Variants in ZMIZ1 observed in about 807,000 individuals in gnomAD.
ZMIZ1 encodes zinc finger MIZ domain-containing protein 1.
Under a neutral mutation model 113.9 loss-of-function variants are expected in ZMIZ1, and 17 were observed. The ratio of observed to expected loss-of-function variants is 0.15; its 90% CI spans 0.10 to 0.22. ZMIZ1 has a LOEUF of 0.22. Among genes scored for constraint, ZMIZ1 ranks in the 10% least tolerant of loss-of-function variants. The pLI, the probability that ZMIZ1 is intolerant of heterozygous loss-of-function variation, is 1.00. For synonymous variants in ZMIZ1, 607 were observed against 603.1 expected, an observed-to-expected ratio of 1.01 and a Z score of -0.09; for missense variants, 1,059 against 1,477.8, an observed-to-expected ratio of 0.72 and a Z score of 4.65.
intron 2 of ZMIZ1, among the ~76,000 whole-genome samples, chr10:79,130,451 C>G (rs1329496815): frequency 1.3e-5 from 2 of 152,218 alleles, no homozygotes; most frequent in Non-Finnish European, 2.9e-5. Context: ...AGAGCTGCAG[C>G]CAGGTGCCAA....
chr10:79,244,439 C>T (rs866680416), intron 7 of ZMIZ1, among the ~76,000 whole-genome samples: 8 of 152,298 alleles, frequency 5.3e-5, no homozygotes, highest in Middle Eastern at 3.4e-3. Flanking sequence ...GTATTGGTGT[C>T]TTCGAAGCCA....
At chr10:79,291,282 A>C in intron 10 of ZMIZ1, 106 bp downstream of exon 10, 23 of 1,331,188 alleles carry the variant, frequency 1.7e-5, no homozygotes, top group Non-Finnish European at 2.2e-5. Context: ...CTGCCCTGAG[A>C]AGTTATCCTC....
In ZMIZ1 at chr10:79,306,456, A is replaced by G; in HGVS notation, c.2668+112A>G. Reference sequence around the variant, plus strand: ...AGGGGTCGGGGGTGTGGTTGAAGAGAGAGAAGTAACACATCCCCCAAAAAA... The same window carrying G: ...AGGGGTCGGGGGTGTGGTTGAAGAGGGAGAAGTAACACATCCCCCAAAAAA... On this transcript the variant is annotated intron_variant, in intron 22 of 24. Coordinates refer to ENST00000334512, the MANE Select transcript of ZMIZ1 (RefSeq NM_020338.4). 2.0e-6 allele frequency: 3 copies of G among 1,499,964 alleles called. No individual in the cohort carries two copies. In the South Asian group the frequency reaches 3.8e-5, roughly 19 times the overall value. 92.9% of individuals were successfully genotyped at this position (1,499,964 alleles called of 1,614,324 possible). A position where few individuals can be genotyped will look rare whatever the true frequency, so the allele number is the denominator to read the frequency against.
At position 79,114,506 on chromosome 10, in the gene ZMIZ1, C is replaced by CGTGTGTGT. The variant is rs57304757; in HGVS notation, c.-336-4381_-336-4374dup. The stretch of plus-strand genomic sequence containing the variant: ...GTGTGTGTGTGTGCGTGTGTGTGTG[C>CGTGTGTGT]GTGTGTGTGTGTGTGTGTGTGTGTG... On this transcript the variant is annotated intron_variant, in intron 1 of 24. Transcript: ENST00000334512. Among the ~76,000 whole-genome samples, 639 of 93,224 alleles carry CGTGTGTGT rather than the reference C, an allele frequency of 6.9e-3. 5 individuals carry two copies. Among genetic ancestry groups the CGTGTGTGT allele is most frequent in the African/African-American group, 0.011 (230 of 21,506 alleles). The allele number at this position is 93,224 out of a possible 152,430, so 61.2% of individuals were successfully genotyped here.
Position 79,299,173 on chromosome 10 carries a change from A to C in ZMIZ1, c.1790A>C (p.His597Pro). ...NHVFHLRPTVHQTLMWRSDLE... is the reference protein window; with the variant it reads ...NHVFHLRPTVPQTLMWRSDLE... ...GTGTTCCACCTGCGGCCCACGGTCC[A>C]CCAGACGCTGATGTGGAGGTGCGTG... is the stretch of plus-strand genomic sequence containing the variant. The change falls in exon 16 of 25, where the codon CAC becomes CCC. Residue 597 changes from histidine to proline, a missense_variant. Physicochemically the swap from His to Pro is moderately conservative, Grantham distance 77. Around this residue, in one of 6 missense-constraint regions of ZMIZ1, gnomAD observed 217 missense variants for 426.9 expected, o/e 0.51. Coordinates refer to ENST00000334512, the MANE Select transcript of ZMIZ1 (RefSeq NM_020338.4). 6.2e-7 allele frequency: 1 copy of C among 1,607,084 alleles called. No individual in the cohort carries two copies. The highest frequency in any genetic ancestry group is 8.5e-7 in the Non-Finnish European group (1 of 1,179,454).
intron 4 of ZMIZ1, among the ~76,000 whole-genome samples, chr10:79,187,504 G>A (rs1294285272): frequency 6.6e-6 from 1 of 152,186 alleles, no homozygotes; most frequent in African/African-American, 2.4e-5. Flanking sequence ...GAATTCGATG[G>A]GATGATGTAT....
intron 1 of ZMIZ1, among the ~76,000 whole-genome samples, chr10:79,085,552 G>A (rs2132203458): frequency 6.6e-6 from 1 of 152,328 alleles, no homozygotes; most frequent in Non-Finnish European, 1.5e-5. Flanking sequence ...CTCTGGGCCT[G>A]CCTCCTCATC....
At chr10:79,199,090 C>T (rs115837621) in intron 4 of ZMIZ1, among the ~76,000 whole-genome samples, 2,693 of 151,782 alleles carry the variant, frequency 0.018, 77 homozygotes, top group African/African-American at 0.061. Flanking sequence ...GGAGTGTGAG[C>T]CCCCAGAGCA....
intron 1 of ZMIZ1, among the ~76,000 whole-genome samples, chr10:79,089,896 G>A (rs907474681): frequency 1.3e-5 from 2 of 152,148 alleles, no homozygotes; most frequent in Admixed American, 6.5e-5. Context: ...GTAGAGAGAC[G>A]GGATGCGCCG....
chr10:79,266,263 G>A (rs1391728544), intron 7 of ZMIZ1, among the ~76,000 whole-genome samples: 2 of 152,200 alleles, frequency 1.3e-5, no homozygotes, highest in Non-Finnish European at 2.9e-5. Context: ...TGTCTCCTGG[G>A]GATATGCCTG....
chr10:79,307,082 T>C (rs1350680479), intron 22 of ZMIZ1, among the ~76,000 whole-genome samples: 3 of 152,130 alleles, frequency 2.0e-5, no homozygotes, highest in Non-Finnish European at 2.9e-5. Flanking sequence ...AGTGCCCACA[T>C]TGGGGAGTAG....
chr10:79,246,991 G>A (rs1011883627), intron 7 of ZMIZ1, among the ~76,000 whole-genome samples: 4 of 152,210 alleles, frequency 2.6e-5, no homozygotes, highest in African/African-American at 4.8e-5. Context: ...CATTGTGCCT[G>A]CTGCCTGGTT....
At chr10:79,089,400 A>G (rs934076676) in intron 1 of ZMIZ1, among the ~76,000 whole-genome samples, 3 of 152,182 alleles carry the variant, frequency 2.0e-5, no homozygotes, top group African/African-American at 7.2e-5. Context: ...CTTCTACGAG[A>G]TGAACTCAGC....
At chr10:79,114,342 A>G (rs952329423) in intron 1 of ZMIZ1, among the ~76,000 whole-genome samples, 4 of 152,222 alleles carry the variant, frequency 2.6e-5, no homozygotes, top group African/African-American at 9.6e-5. Context: ...AGCGGGCTAA[A>G]TGATTTAAGT....
chr10:79,260,457 G>A (rs536110156), intron 7 of ZMIZ1, among the ~76,000 whole-genome samples: 7 of 152,294 alleles, frequency 4.6e-5, no homozygotes, highest in Admixed American at 2.6e-4. Flanking sequence ...AGTGAATCAC[G>A]TGGCTGTCCA....
intron 5 of ZMIZ1, among the ~76,000 whole-genome samples, chr10:79,203,822 ATAAT>A (rs1340768539): frequency 2.6e-5 from 4 of 152,232 alleles, no homozygotes; most frequent in African/African-American, 7.2e-5. Flanking sequence ...AATGGGCATC[ATAAT>A]TAATTCACAT....
chr10:79,275,371 C>T (rs1187115491), intron 7 of ZMIZ1, among the ~76,000 whole-genome samples: 1 of 151,972 alleles, frequency 6.6e-6, no homozygotes, highest in Non-Finnish European at 1.5e-5. Flanking sequence ...ACCAGGCCCC[C>T]TCCTGGAGGG....
chr10:79,211,637 A>T (rs1405145889), intron 6 of ZMIZ1, among the ~76,000 whole-genome samples: 1 of 152,186 alleles, frequency 6.6e-6, no homozygotes, highest in East Asian at 1.9e-4. Flanking sequence ...AGGCACAATT[A>T]AAGTGACCCC....
intron 7 of ZMIZ1, among the ~76,000 whole-genome samples, chr10:79,221,469 A>C (rs1052500642): frequency 6.6e-6 from 1 of 152,058 alleles, no homozygotes; most frequent in Non-Finnish European, 1.5e-5. Flanking sequence ...CTCCCTCCTC[A>C]GTACAGAAGG....
Sources: allele counts gnomAD v4.1 joint callset (sites outside exome capture counted in the v4.1 genomes callset), GRCh38; gene constraint gnomAD v4.1.1; regional missense constraint gnomAD v4.1.1; transcripts MANE v1.5; gene names NCBI Gene and HGNC (gene_info 2026-07-23, HGNC 2026-07-21).